Variants in RAB38 observed in about 807,000 individuals in gnomAD.
RAB38 encodes the protein ras-related protein Rab-38.
In RAB38, 15 loss-of-function variants were observed where a neutral mutation model predicts 18.4. The ratio of observed to expected loss-of-function variants is 0.82; its 90% confidence interval spans 0.55 to 1.26. The LOEUF is 1.26. RAB38 is among the 50% of genes most tolerant of loss of function. The pLI is 0.00. For synonymous variants in RAB38, 101 were observed against 104.4 expected (o/e 0.97, Z 0.20); for missense variants, 294 against 267.4 (o/e 1.10, Z -0.69).
chr11:88,149,599 G>T, intron 2 of RAB38, 76 bp downstream of exon 2: 1 of 1,449,404 alleles, frequency 6.9e-7, no homozygotes. Flanking sequence ...TTATCATTAT[G>T]ATGATGGTGA....
At chr11:87,906,638 A>G in the RAB38 span, among the ~76,000 whole-genome samples, 2 of 151,948 alleles carry the variant, frequency 1.3e-5, no homozygotes. Context: ...AGTACAAGAG[A>G]TTACACAATA....
the RAB38 span, among the ~76,000 whole-genome samples, chr11:88,033,389 AAAG>A: frequency 6.6e-6 from 1 of 152,144 alleles, no homozygotes; most frequent in African/African-American, 2.4e-5. Context: ...ATAATAAAAA[AAAG>A]AAAAAAAAAA....
chr11:87,819,749 TACG>T, the RAB38 span, among the ~76,000 whole-genome samples: 1 of 85,702 alleles, frequency 1.2e-5, no homozygotes, highest in South Asian at 4.1e-4. Context: ...TATATATATA[TACG>T]TGTATGTATA....
downstream of RAB38, chr11:88,113,100 T>C (rs1942495212): frequency 6.6e-6 from 1 of 152,284 alleles, no homozygotes. Context: ...ATCCCAGTTT[T>C]AATAGTGTCC....
the RAB38 span, among the ~76,000 whole-genome samples, chr11:88,041,103 A>C: frequency 2.0e-5 from 3 of 152,190 alleles, no homozygotes; most frequent in African/African-American, 7.2e-5. Context: ...CATTGCTAGG[A>C]TATTTTTATT....
the RAB38 span, among the ~76,000 whole-genome samples, chr11:87,806,236 A>C: frequency 1.3e-5 from 2 of 152,172 alleles, no homozygotes; most frequent in Non-Finnish European, 2.9e-5. Context: ...AAAAAATGCC[A>C]TAAACTTCAT....
chr11:87,878,337 AT>A, the RAB38 span, among the ~76,000 whole-genome samples: 1 of 149,230 alleles, frequency 6.7e-6, no homozygotes, highest in Non-Finnish European at 1.5e-5. Context: ...TCTATCATCT[AT>A]CTATCTATCA....
the RAB38 span, among the ~76,000 whole-genome samples, chr11:87,872,913 A>T: frequency 1.3e-5 from 2 of 151,602 alleles, no homozygotes; most frequent in African/African-American, 2.4e-5. Flanking sequence ...AGGCTGCTAT[A>T]AACATTTATG....
At chr11:87,949,724 T>C in the RAB38 span, among the ~76,000 whole-genome samples, 1 of 152,190 alleles carries the variant, frequency 6.6e-6, no homozygotes, top group African/African-American at 2.4e-5. Context: ...TAATCCTGAG[T>C]TCTAGTTTGA....
the RAB38 span, among the ~76,000 whole-genome samples, chr11:87,819,155 G>T: frequency 6.6e-6 from 1 of 152,136 alleles, no homozygotes; most frequent in African/African-American, 2.4e-5. Flanking sequence ...GACAGCTCAG[G>T]ACCTGTGTAT....
the RAB38 span, among the ~76,000 whole-genome samples, chr11:88,031,471 G>A: frequency 4.6e-5 from 7 of 151,816 alleles, no homozygotes; most frequent in East Asian, 5.8e-4. Flanking sequence ...ACTGTATATC[G>A]AGAAAACCCC....
chr11:87,924,990 G>A, the RAB38 span, among the ~76,000 whole-genome samples: 1 of 151,994 alleles, frequency 6.6e-6, no homozygotes, highest in Non-Finnish European at 1.5e-5. Context: ...GATAGCATGT[G>A]CACACTAGGT....
At chr11:88,027,551 C>T in the RAB38 span, among the ~76,000 whole-genome samples, 46 of 152,228 alleles carry the variant, frequency 3.0e-4, no homozygotes, top group Non-Finnish European at 4.1e-4. Flanking sequence ...CCTTAAAAAA[C>T]GGCGCACCAG....
chr11:88,167,251 G>A (rs190660432), intron 1 of RAB38: 27 of 152,200 alleles, frequency 1.8e-4, no homozygotes, highest in African/African-American at 6.5e-4. Context: ...CAGCATAAAG[G>A]GGAAGGTAGG....
chr11:87,878,968 C>T, the RAB38 span, among the ~76,000 whole-genome samples: 3 of 77,194 alleles, frequency 3.9e-5, no homozygotes, highest in East Asian at 7.2e-4. Context: ...AGAGCAATTA[C>T]TGATTTTTTT....
At chr11:88,080,504 T>A in the RAB38 span, among the ~76,000 whole-genome samples, 1 of 151,776 alleles carries the variant, frequency 6.6e-6, no homozygotes, top group Non-Finnish European at 1.5e-5. Context: ...GCAAGCCGAA[T>A]CAAAATTGTA....
chr11:88,034,016 C>T, the RAB38 span, among the ~76,000 whole-genome samples: 33 of 152,238 alleles, frequency 2.2e-4, no homozygotes, highest in Middle Eastern at 3.4e-3. Context: ...CATGAGCCAC[C>T]GCGCCCTGCA....
chr11:87,884,566 G>A, the RAB38 span, among the ~76,000 whole-genome samples: 1 of 151,922 alleles, frequency 6.6e-6, no homozygotes. Context: ...TAGTAAGCAG[G>A]AAAACACTGT....
At chr11:88,119,151 A>G (rs1942597479) in intron 2 of RAB38, among the ~76,000 whole-genome samples, 1 of 152,148 alleles carries the variant, frequency 6.6e-6, no homozygotes, top group Non-Finnish European at 1.5e-5. Context: ...TAAAGTTAAA[A>G]CAAATATGTT....
Sources: gnomAD v4.1 joint callset for allele counts (sites outside exome capture counted in the v4.1 genomes callset) on GRCh38, gnomAD v4.1.1 for gene constraint, MANE v1.5 for transcripts, NCBI Gene and HGNC (gene_info 2026-07-23, HGNC 2026-07-21) for gene names.